The following HSPA5 variants were observed in gnomAD, a reference collection of about 807,000 sequenced individuals.
HSPA5 encodes the protein heat shock protein family A (Hsp70) member 5, also known as endoplasmic reticulum chaperone BiP.
HSPA5 carries 16 observed loss-of-function variants against 49.5 expected under a neutral mutation model. The ratio of observed to expected loss-of-function variants is 0.32; its 90% CI spans 0.22 to 0.49. The LOEUF (loss-of-function observed/expected upper bound fraction) is 0.49, where lower values mean the gene tolerates loss of function less well. HSPA5 is among the 20% of genes least tolerant of loss of function. HSPA5 has a pLI of 0.99. For synonymous variants in HSPA5, 271 were observed against 307.2 expected (o/e 0.88, Z 1.23); for missense variants, 376 against 819.0 (o/e 0.46, Z 6.60).
Position 125,235,746 on chromosome 9 carries a change from A to G in HSPA5, c.*846T>C, listed in dbSNP as rs865971004. ...ATACCTTTACATCCTAAAGTTACAA[A>G]TGAAATCCAAGTGTATAAAGTTAAT... On this transcript the variant is annotated 3_prime_UTR_variant, in exon 8 of 8. Coordinates refer to ENST00000324460, the MANE Select transcript of HSPA5 (RefSeq NM_005347.5). 3 of 152,088 alleles carry G rather than the reference A, an allele frequency of 2.0e-5. No homozygotes were observed. Among genetic ancestry groups the G allele is most frequent in the Non-Finnish European group, 4.4e-5 (3 of 68,022 alleles). 9.4% of individuals were successfully genotyped at this position (152,088 alleles called of 1,614,324 possible). A position where few individuals can be genotyped will look rare whatever the true frequency, so the allele number is the denominator to read the frequency against.
rs1421914313 is a variant in HSPA5, at chr9:125,238,931, A to G, written c.996+10T>C. 1.2e-6 allele frequency: 2 copies of G among 1,603,904 alleles called. No homozygotes were observed. The highest frequency in any genetic ancestry group is 3.4e-5 in the Admixed American group (2 of 58,358). On this transcript the variant is annotated intron_variant, in intron 5 of 7. Transcript: ENST00000324460. ...GATCTCATTAGCAAAGCAGAAAACA[A>G]GGAACATACCATGTTGAGCTCTTCA...
Position 125,237,028 on chromosome 9 carries a change from C to T in HSPA5, c.1529G>A (p.Arg510Gln), listed in dbSNP as rs1032511460. 4 of 1,613,676 alleles carry T rather than the reference C, an allele frequency of 2.5e-6. No individual in the cohort carries two copies. The highest frequency in any genetic ancestry group is 3.4e-6 in the Non-Finnish European group (4 of 1,179,754). Residue 510 changes from arginine (R) to glutamine (Q), a missense_variant, in exon 8 of 8, where the codon CGA becomes CAA. Arg to Gln is a conservative substitution (Grantham distance 43). Transcript: ENST00000324460. The stretch of plus-strand genomic sequence containing the variant: ...TGTACCCTTGTCTTCAGCTGTCACT[C>T]GAAGAATACCATTCACATCTATCTC... ...TFEIDVNGIL[R>Q]VTAEDKGTGN...
rs755135095 is a variant in HSPA5, at chr9:125,236,963, G to A, written c.1594C>T (p.Arg532Cys). The change falls in exon 8 of 8, where the codon CGC becomes TGC. Residue 532 changes from arginine to cysteine, a missense_variant. Transcript: ENST00000324460. ...NKITITNDQN[R>C]LTPEEIERMV... The stretch of plus-strand genomic sequence containing the variant: ...CTTTCGATTTCTTCAGGTGTCAGGC[G>A]ATTCTGGTCATTGGTGATTGTGATC... 8.1e-6 allele frequency: 13 copies of A among 1,613,812 alleles called. No individual in the cohort carries two copies. The highest frequency in any genetic ancestry group is 1.3e-5 in the African/African-American group (1 of 74,920).
chr9:125,239,655 G>A lies in HSPA5; in HGVS notation c.493-122C>T. 1.4e-6 allele frequency: 1 copy of A among 718,140 alleles called. No homozygotes were observed. Among genetic ancestry groups the A allele is most frequent in the East Asian group, 2.7e-5 (1 of 37,134 alleles). The allele number at this position is 718,140 out of a possible 1,614,324, so 44.5% of individuals were successfully genotyped here. On this transcript the variant is annotated intron_variant, in intron 3 of 7. Transcript: ENST00000324460. This position sits in a 1 kb window ranked among gnomAD's most constrained non-coding sequence, Gnocchi z 5.5. ...GCACTTTGGGAGGCTGAGGCAGGAG[G>A]ATCACCTGAGGGCAGGATTTCAAGA...
At position 125,238,799 on chromosome 9, in the gene HSPA5, A is replaced by T; in HGVS notation, c.1025T>A (p.Val342Asp). 6.2e-7 allele frequency: 1 copy of T among 1,614,178 alleles called. No homozygotes were observed. Among genetic ancestry groups the T allele is most frequent in the Non-Finnish European group, 8.5e-7 (1 of 1,180,022 alleles). The change falls in exon 6 of 8, where the codon GTC becomes GAC. Residue 342 changes from valine (V) to aspartate (D), a missense_variant. Coordinates refer to ENST00000324460, the MANE Select transcript of HSPA5 (RefSeq NM_005347.5). ...MDLFRSTMKP[V>D]QKVLEDSDLK... is the part of the protein sequence containing the mutation. ...ATCAGAATCTTCCAACACTTTCTGG[A>T]CGGGCTTCATAGTAGACCGGAACAG...
rs1228258220 is a variant in HSPA5, at chr9:125,237,003, T to G, written c.1554A>C (p.Thr518=). 6.2e-7 allele frequency: 1 copy of G among 1,614,012 alleles called. No homozygotes were observed. The highest frequency in any genetic ancestry group is 8.5e-7 in the Non-Finnish European group (1 of 1,179,860). ...ILRVTAEDKG[T]GNKNKITITN... Reference sequence around the variant, plus strand: ...TGATTGTGATCTTATTTTTGTTCCCTGTACCCTTGTCTTCAGCTGTCACTC... The same window carrying G: ...TGATTGTGATCTTATTTTTGTTCCCGGTACCCTTGTCTTCAGCTGTCACTC... Residue 518 remains threonine (T), a synonymous_variant, in exon 8 of 8, where the codon ACA becomes ACC. Coordinates refer to ENST00000324460, the MANE Select transcript of HSPA5 (RefSeq NM_005347.5).
chr9:125,238,442 T>C, intron 6 of HSPA5, 134 bp from the exon 7 acceptor site: 1 of 966,544 alleles, frequency 1.0e-6, no homozygotes, highest in South Asian at 1.5e-5. Flanking sequence ...CTAATGATCT[T>C]GAGACTACCC....
In HSPA5 at chr9:125,241,150, C is replaced by A; in HGVS notation, c.-24G>T. ...ATCTTGCCAGCCAGTTGGGCAGCAG[C>A]AGGCAGTCCAGCCACAGGCCGTAGC... On this transcript the variant is annotated 5_prime_UTR_variant, in exon 1 of 8. Transcript: ENST00000324460. The A allele has an allele frequency of 6.2e-7, 1 of 1,604,914 alleles. No homozygotes were observed. Among genetic ancestry groups the A allele is most frequent in the Non-Finnish European group, 8.5e-7 (1 of 1,176,618 alleles).
rs1415219258 is a variant in HSPA5 at position 125,241,198 on chromosome 9, G to A, written c.-72C>T. The A allele has an allele frequency of 6.5e-7, 1 of 1,533,244 alleles. No homozygotes were observed. The highest frequency in any genetic ancestry group is 1.2e-5 in the South Asian group (1 of 81,340). The allele number at this position is 1,533,244 out of a possible 1,614,324, so 95.0% of individuals were successfully genotyped here. On this transcript the variant is annotated 5_prime_UTR_variant, in exon 1 of 8. Transcript: ENST00000324460. ...AGCACAGGAGCACAGCGCAATTTCC[G>A]ACTTGCAGGCGGCAGGGGCCCGGGG...
rs777421302 is a variant in HSPA5 at position 125,238,585 on chromosome 9, C to T, written c.1234+5G>A. ...ACTAAGAAAGATGCTGCGATGATGA[C>T]CTACCTGTATCTTGATCACCAGAGA... On this transcript the variant is annotated splice_donor_5th_base_variant and intron_variant, in intron 6 of 7. Coordinates refer to ENST00000324460, the MANE Select transcript of HSPA5 (RefSeq NM_005347.5). 3.1e-6 allele frequency: 5 copies of T among 1,602,840 alleles called. No homozygotes were observed. The Admixed American group carries it at 8.3e-5, about 27-fold the overall frequency.
Position 125,238,974 on chromosome 9 carries a change from G to A in HSPA5, c.963C>T (p.Thr321=), listed in dbSNP as rs201819093. ...SFYEGEDFSE[T]LTRAKFEELN... is the part of the protein sequence containing the mutation. ...GCTCTTCAAATTTGGCCCGAGTCAG[G>A]GTCTCAGAAAAGTCTTCTCCTTCAT... Residue 321 remains threonine (T), a synonymous_variant, in exon 5 of 8, where the codon ACC becomes ACT. Transcript: ENST00000324460. 3.1e-6 allele frequency: 5 copies of A among 1,612,576 alleles called. No individual in the cohort carries two copies. In the Admixed American group the frequency reaches 6.7e-5, roughly 22 times the overall value.
At position 125,235,752 on chromosome 9, in the gene HSPA5, T is replaced by A. The variant is rs769846479; in HGVS notation, c.*840A>T. On this transcript the variant is annotated 3_prime_UTR_variant, in exon 8 of 8. Transcript: ENST00000324460. ...TTACATCCTAAAGTTACAAATGAAA[T>A]CCAAGTGTATAAAGTTAATACCAGT... 2 of 151,958 alleles carry A rather than the reference T, an allele frequency of 1.3e-5. No homozygotes were observed. The highest frequency in any genetic ancestry group is 6.6e-5 in the Admixed American group (1 of 15,224). The allele number at this position is 151,958 out of a possible 1,614,324, so 9.4% of individuals were successfully genotyped here.
At chr9:125,238,440 C>G (rs1832524006) in intron 6 of HSPA5, 132 bp from the exon 7 acceptor site, 2 of 964,866 alleles carry the variant, frequency 2.1e-6, no homozygotes, top group Non-Finnish European at 3.1e-6. Context: ...TGCTAATGAT[C>G]TTGAGACTAC....
Position 125,239,452 on chromosome 9 carries a change from C to T in HSPA5, c.574G>A (p.Gly192Ser), listed in dbSNP as rs1389938825. 6.2e-7 allele frequency: 1 copy of T among 1,614,114 alleles called. No individual in the cohort carries two copies. The highest frequency in any genetic ancestry group is 8.5e-7 in the Non-Finnish European group (1 of 1,180,030). The change falls in exon 4 of 8, where the codon GGC becomes AGC. Residue 192 changes from glycine (G) to serine (S), a missense_variant. Transcript: ENST00000324460. This position sits in a 1 kb window ranked among gnomAD's most constrained non-coding sequence, Gnocchi z 5.5. ...QATKDAGTIA[G>S]LNVMRIINEP... is the part of the protein sequence containing the mutation. ...TTGATGATCCTCATAACATTTAGGC[C>T]AGCAATAGTTCCAGCGTCTTTGGTT...
Position 125,238,134 on chromosome 9 carries a change from T to G in HSPA5, c.1402+7A>C. The G allele has an allele frequency of 1.9e-6, 3 of 1,609,442 alleles. No individual in the cohort carries two copies. Among genetic ancestry groups the G allele is most frequent in the Non-Finnish European group, 2.5e-6 (3 of 1,176,972 alleles). On this transcript the variant is annotated splice_region_variant and intron_variant, in intron 7 of 7. Transcript: ENST00000324460. Reference sequence around the variant, plus strand: ...AAGCCATGATATTAACAAACTTAAGTAATTACCTTCATAGACCTTGATTGT... The same window carrying G: ...AAGCCATGATATTAACAAACTTAAGGAATTACCTTCATAGACCTTGATTGT...
rs1027218206 is a variant in HSPA5, at chr9:125,241,233, G to A, written c.-107C>T. On this transcript the variant is annotated 5_prime_UTR_variant, in exon 1 of 8. Coordinates refer to ENST00000324460, the MANE Select transcript of HSPA5 (RefSeq NM_005347.5). ...CGGCAGGGGCCCGGGGTCACAAGGC[G>A]CCACGAACCAGGCGAAGGGCAGGTC... 3 of 1,372,342 alleles carry A rather than the reference G, an allele frequency of 2.2e-6. No homozygotes were observed. Among genetic ancestry groups the A allele is most frequent in the Non-Finnish European group, 3.0e-6 (3 of 1,011,942 alleles). The allele number at this position is 1,372,342 out of a possible 1,614,324, so 85.0% of individuals were successfully genotyped here.
Position 125,240,990 on chromosome 9 carries a change from C to T in HSPA5, c.122+15G>A. On this transcript the variant is annotated intron_variant, in intron 1 of 7. Transcript: ENST00000324460. The surrounding 1 kb of genome is among the most constrained non-coding windows in gnomAD (Gnocchi z 4.4). ...CGGCCACGCCCCGTCCCCCTGCATC[C>T]GCAACCCCACTTACCAGGAGTAGGT... 1.9e-6 allele frequency: 3 copies of T among 1,611,882 alleles called. No individual in the cohort carries two copies. The highest frequency in any genetic ancestry group is 2.5e-6 in the Non-Finnish European group (3 of 1,178,684).
Position 125,240,630 on chromosome 9 carries a change from C to A in HSPA5, c.354+46G>T. 6.7e-7 allele frequency: 1 copy of A among 1,496,892 alleles called. No homozygotes were observed. The highest frequency in any genetic ancestry group is 1.1e-5 in the South Asian group (1 of 88,376). The allele number at this position is 1,496,892 out of a possible 1,614,324, so 92.7% of individuals were successfully genotyped here. On this transcript the variant is annotated intron_variant, in intron 2 of 7. Coordinates refer to ENST00000324460, the MANE Select transcript of HSPA5 (RefSeq NM_005347.5). The surrounding 1 kb of genome is among the most constrained non-coding windows in gnomAD (Gnocchi z 4.4). ...AGAGACTTATAACTCTAAATACTCC[C>A]ACCACCCACCCGTTCTCTAACTGGA... is the stretch of plus-strand genomic sequence containing the variant.
chr9:125,239,887 CA>C lies in HSPA5; in HGVS notation c.492+284del, dbSNP rs1053250020. On this transcript the variant is annotated intron_variant, in intron 3 of 7. Transcript: ENST00000324460. The surrounding 1 kb of genome is among the most constrained non-coding windows in gnomAD (Gnocchi z 5.5). ...TGGGCAACAGAGCAAGACTCCATCTCAAAAAAAAAAAATTACAGTCAAACCA... is the reference window on the plus strand; with the variant it reads ...TGGGCAACAGAGCAAGACTCCATCTCAAAAAAAAAAATTACAGTCAAACCA... Among the ~76,000 whole-genome samples the C allele has an allele frequency of 3.6e-4, 51 of 139,828 alleles. No individual in the cohort carries two copies. The highest frequency in any genetic ancestry group is 4.7e-4 in the African/African-American group (18 of 37,988). The allele number at this position is 139,828 out of a possible 152,430, so 91.7% of individuals were successfully genotyped here. A position where few individuals can be genotyped will look rare whatever the true frequency, so the allele number is the denominator to read the frequency against.
Sources: allele counts gnomAD v4.1 joint callset (sites outside exome capture counted in the v4.1 genomes callset), GRCh38; gene constraint gnomAD v4.1.1; non-coding constraint Gnocchi (gnomAD v3.1); transcripts MANE v1.5; gene names NCBI Gene and HGNC (gene_info 2026-07-23, HGNC 2026-07-21).